The following ZNF487 variants were observed in gnomAD, a reference collection of about 807,000 sequenced individuals.
ZNF487 encodes the protein zinc finger protein 487, also known as KRAB domain only 1.
Under a neutral mutation model 3.0 loss-of-function variants are expected in ZNF487, and 4 were observed. The observed-to-expected ratio is 1.35, with a 90% CI of 0.66 to 3.08. The LOEUF (loss-of-function observed/expected upper bound fraction) is 3.08, where lower values mean the gene tolerates loss of function less well. ZNF487 is among the 30% of genes most tolerant of loss of function. The pLI, the probability that ZNF487 is intolerant of heterozygous loss-of-function variation, is 0.01. For missense variants in ZNF487, 146 were observed against 98.7 expected (o/e 1.48, Z -2.03); for synonymous variants, 55 against 34.6 (o/e 1.59, Z -2.06).
In ZNF487 at chr10:43,475,831, C is replaced by T. The variant is rs755500471; in HGVS notation, c.18C>T (p.Ser6=). The T allele has an allele frequency of 1.3e-6, 1 of 778,668 alleles. No homozygotes were observed. The allele number at this position is 778,668 out of a possible 1,614,324, so 48.2% of individuals were successfully genotyped here. The part of the protein sequence containing the change: MLENY[S]LLLSVGYCIT... ...GAGACATGATGCTGGAGAACTACAG[C>T]CTCCTCCTCTCAGTGGGTAAGGATT... Residue 6 remains serine (S), a synonymous_variant, in exon 2 of 4, where the codon AGC becomes AGT. Transcript: ENST00000437590.
chr10:43,502,927 A>T, the ZNF487 span, among the ~76,000 whole-genome samples: 1 of 150,416 alleles, frequency 6.6e-6, no homozygotes, highest in East Asian at 2.0e-4. Context: ...GCTATTCAAG[A>T]GGCTGAGATG....
intron 3 of ZNF487, among the ~76,000 whole-genome samples, chr10:43,480,608 GT>G (rs1564429280): frequency 6.6e-6 from 1 of 151,854 alleles, no homozygotes; most frequent in Non-Finnish European, 1.5e-5. Flanking sequence ...TAGAGATGGG[GT>G]TTTGCCATGT....
chr10:43,483,196 T>C (rs1841430774), downstream of ZNF487: 5 of 409,334 alleles, frequency 1.2e-5, no homozygotes, highest in Non-Finnish European at 1.9e-5. Flanking sequence ...TGATATTTCA[T>C]TGAACAGCAA....
At chr10:43,437,514 G>C (rs1839431332) in intron 1 of ZNF487, among the ~76,000 whole-genome samples, 1 of 152,118 alleles carries the variant, frequency 6.6e-6, no homozygotes, top group East Asian at 1.9e-4. Flanking sequence ...CAGGGATATT[G>C]GGAGAGTCCT....
intron 3 of ZNF487, among the ~76,000 whole-genome samples, chr10:43,476,691 G>C (rs1439048358): frequency 6.6e-6 from 1 of 152,130 alleles, no homozygotes; most frequent in Non-Finnish European, 1.5e-5. Context: ...GATTTGAATT[G>C]TGTGTCAGTG....
chr10:43,481,424 T>C lies in ZNF487; in HGVS notation c.131-5T>C. On this transcript the variant is annotated splice_polypyrimidine_tract_variant and splice_region_variant and intron_variant, in intron 3 of 3. Coordinates refer to ENST00000437590, the MANE Select transcript of ZNF487 (RefSeq NM_001355444.3). The stretch of plus-strand genomic sequence containing the variant: ...TAATCTGTGATAACTTATTATTATT[T>C]CTAGACTGCTGCATAGATGATGACC... 1.4e-6 allele frequency: 1 copy of C among 698,140 alleles called. No individual in the cohort carries two copies. The highest frequency in any genetic ancestry group is 2.6e-6 in the Non-Finnish European group (1 of 380,360). 43.2% of individuals were successfully genotyped at this position (698,140 alleles called of 1,614,324 possible). A position where few individuals can be genotyped will look rare whatever the true frequency, so the allele number is the denominator to read the frequency against.
At chr10:43,493,693 AAG>A in the ZNF487 span, among the ~76,000 whole-genome samples, 19 of 45,232 alleles carry the variant, frequency 4.2e-4, 3 homozygotes, top group East Asian at 2.1e-3. Context: ...TCCTCAAAAA[AAG>A]AAAAAAAAAA....
chr10:43,478,090 T>G (rs978101450), intron 3 of ZNF487, among the ~76,000 whole-genome samples: 1 of 152,068 alleles, frequency 6.6e-6, no homozygotes, highest in Non-Finnish European at 1.5e-5. Flanking sequence ...ACCATCTTAT[T>G]AAAAGATGGA....
At chr10:43,447,056 G>T (rs1268518181) in intron 1 of ZNF487, among the ~76,000 whole-genome samples, 1 of 151,948 alleles carries the variant, frequency 6.6e-6, no homozygotes, top group African/African-American at 2.4e-5. Context: ...AGGCGTGGCA[G>T]CGTGCCCCTA....
chr10:43,498,258 T>TTATA, the ZNF487 span, among the ~76,000 whole-genome samples: 8 of 126,776 alleles, frequency 6.3e-5, no homozygotes, highest in Admixed American at 6.5e-4. Context: ...ATTTGGTATT[T>TTATA]TATATATATA....
the ZNF487 span, among the ~76,000 whole-genome samples, chr10:43,501,943 TG>T: frequency 6.6e-6 from 1 of 152,114 alleles, no homozygotes; most frequent in Admixed American, 6.6e-5. Flanking sequence ...TACAAAACAT[TG>T]TTGAAAGAAA....
chr10:43,523,504 A>G, the ZNF487 span: 98 of 152,370 alleles, frequency 6.4e-4, no homozygotes, highest in African/African-American at 2.3e-3. Context: ...AGCTCAGTGC[A>G]CATGCGAAAT....
upstream of ZNF487, chr10:43,436,926 G>C (rs1195129274): frequency 2.1e-6 from 1 of 468,036 alleles, no homozygotes; most frequent in Admixed American, 2.4e-5. Flanking sequence ...TCTTCCTGAA[G>C]AAGGCTGGGG....
intron 1 of ZNF487, among the ~76,000 whole-genome samples, chr10:43,442,986 G>C (rs1839670319): frequency 6.6e-6 from 1 of 150,900 alleles, no homozygotes; most frequent in Non-Finnish European, 1.5e-5. Flanking sequence ...ATGTTTTATT[G>C]CTAATATATA....
At chr10:43,443,374 TTTTG>T (rs1228675272) in intron 1 of ZNF487, among the ~76,000 whole-genome samples, 2 of 145,574 alleles carry the variant, frequency 1.4e-5, no homozygotes, top group East Asian at 2.0e-4. Flanking sequence ...TAGTTTTTGT[TTTTG>T]TTTTTTTTTT....
Position 43,478,578 on chromosome 10 carries a change from C to T in ZNF487, c.130+2376C>T, listed in dbSNP as rs982516030. On this transcript the variant is annotated intron_variant, in intron 3 of 3. Coordinates refer to ENST00000437590, the MANE Select transcript of ZNF487 (RefSeq NM_001355444.3). ...CAAAAATAAATAAAAAAAAAATTAG[C>T]CAGGCATGGTCATACACCAGTAGTC... Among the ~76,000 whole-genome samples the T allele has an allele frequency of 3.9e-5, 6 of 151,920 alleles. No homozygotes were observed. In the East Asian group the frequency reaches 9.7e-4, roughly 25 times the overall value.
At chr10:43,501,246 C>A in the ZNF487 span, among the ~76,000 whole-genome samples, 1 of 152,002 alleles carries the variant, frequency 6.6e-6, no homozygotes, top group African/African-American at 2.4e-5. Context: ...AGGCACTTAC[C>A]ATGCATGGAT....
chr10:43,470,214 A>G (rs1235693821), intron 1 of ZNF487, among the ~76,000 whole-genome samples: 1 of 150,658 alleles, frequency 6.6e-6, no homozygotes, highest in Admixed American at 6.6e-5. Context: ...TTCCCTTTTA[A>G]TTTTTTTTTG....
chr10:43,498,095 ATATATTTTTTTTTTTTTTCTTTTT>A, the ZNF487 span, among the ~76,000 whole-genome samples: 31 of 12,600 alleles, frequency 2.5e-3, no homozygotes, highest in Middle Eastern at 0.062. Flanking sequence ...ATATATATAT[ATATATTTTTTTTTTTTTTCTTTTT>A]TTTTTTTTTT....
Sources: gnomAD v4.1 joint callset for allele counts (sites outside exome capture counted in the v4.1 genomes callset) on GRCh38, gnomAD v4.1.1 for gene constraint, MANE v1.5 for transcripts, NCBI Gene and HGNC (gene_info 2026-07-23, HGNC 2026-07-21) for gene names.